The following UBE2V2 variants were observed in gnomAD, a reference collection of about 807,000 sequenced individuals.
UBE2V2 encodes the protein ubiquitin conjugating enzyme E2 V2.
Under a neutral mutation model 17.2 loss-of-function variants are expected in UBE2V2, and 9 were observed. The observed-to-expected ratio is 0.52, with a 90% CI of 0.32 to 0.91. UBE2V2 has a LOEUF of 0.91. UBE2V2 is among the 40% of genes least tolerant of loss of function. The pLI, the probability that UBE2V2 is intolerant of heterozygous loss-of-function variation, is 0.04. For missense variants in UBE2V2, 133 were observed against 182.6 expected (o/e 0.73, Z 1.56); for synonymous variants, 61 against 57.5 (o/e 1.06, Z -0.28).
At chr8:48,035,631 T>TTTGTG (rs1554657539) in intron 1 of UBE2V2, among the ~76,000 whole-genome samples, 6 of 109,542 alleles carry the variant, frequency 5.5e-5, no homozygotes, top group African/African-American at 1.3e-4. Context: ...TTTTTTTTTT[T>TTTGTG]TGTGTGTGTG....
At chr8:48,044,240 A>T (rs917983255) in intron 2 of UBE2V2, among the ~76,000 whole-genome samples, 4 of 152,120 alleles carry the variant, frequency 2.6e-5, no homozygotes, top group Non-Finnish European at 4.4e-5. Flanking sequence ...AGCATACTGC[A>T]ATCTCAGCCT....
At chr8:48,046,914 T>C (rs1280787499) in intron 2 of UBE2V2, among the ~76,000 whole-genome samples, 2 of 152,104 alleles carry the variant, frequency 1.3e-5, no homozygotes, top group Middle Eastern at 3.4e-3. Flanking sequence ...TGTTTTTTAT[T>C]TTTTGTACTT....
chr8:48,036,732 C>A (rs753304382), intron 1 of UBE2V2, among the ~76,000 whole-genome samples: 1 of 151,664 alleles, frequency 6.6e-6, no homozygotes, highest in African/African-American at 2.4e-5. Flanking sequence ...ACTGCCTGGC[C>A]GACTCAAAAA....
upstream of UBE2V2, among the ~76,000 whole-genome samples, chr8:48,005,744 T>C (rs184030661): frequency 6.6e-6 from 1 of 152,362 alleles, no homozygotes; most frequent in African/African-American, 2.4e-5. Flanking sequence ...CATTGTGGTT[T>C]TGATTTGCAT....
chr8:48,041,388 A>G (rs1379291902), intron 1 of UBE2V2, among the ~76,000 whole-genome samples: 1 of 152,110 alleles, frequency 6.6e-6, no homozygotes, highest in East Asian at 1.9e-4. Context: ...AGGCTGAGGC[A>G]GGAGAATAGC....
At chr8:48,046,589 G>A (rs1163613215) in intron 2 of UBE2V2, among the ~76,000 whole-genome samples, 2 of 152,088 alleles carry the variant, frequency 1.3e-5, no homozygotes, top group African/African-American at 2.4e-5. Flanking sequence ...TACATGGTTC[G>A]TTGTTTTTTA....
chr8:48,053,468 G>C (rs1460925490), intron 3 of UBE2V2, among the ~76,000 whole-genome samples: 5 of 144,834 alleles, frequency 3.5e-5, no homozygotes, highest in African/African-American at 7.7e-5. Context: ...CTGTCTCCCA[G>C]GCTGGAGTGC....
chr8:48,021,798 C>T (rs1004999357), intron 1 of UBE2V2, among the ~76,000 whole-genome samples: 1 of 151,864 alleles, frequency 6.6e-6, no homozygotes, highest in Admixed American at 6.6e-5. Flanking sequence ...AGCAATTCTC[C>T]TGCCTCAGCC....
intron 1 of UBE2V2, among the ~76,000 whole-genome samples, chr8:48,015,881 C>T (rs2091265060): frequency 1.3e-5 from 2 of 149,584 alleles, no homozygotes. Context: ...GTTCTTTATC[C>T]ATTTGTCTGT....
chr8:48,050,841 G>T (rs551181475), intron 3 of UBE2V2, among the ~76,000 whole-genome samples: 3 of 152,062 alleles, frequency 2.0e-5, no homozygotes, highest in African/African-American at 7.2e-5. Context: ...AAATATGTCT[G>T]TGTTGAAACA....
chr8:48,012,098 G>GTCTGATGCGCTCTCCATTATGAAGAAC (rs2091236021), intron 1 of UBE2V2, among the ~76,000 whole-genome samples: 2 of 152,178 alleles, frequency 1.3e-5, no homozygotes, highest in Non-Finnish European at 2.9e-5. Context: ...TTTACCCTTA[G>GTCTGATGCGCTCTCCATTATGAAGAAC]TCTGATGCGC....
upstream of UBE2V2, chr8:48,008,304 C>G (rs1163069591): frequency 2.0e-6 from 2 of 1,007,034 alleles, no homozygotes; most frequent in Non-Finnish European, 2.6e-6. Flanking sequence ...GCCCCGCGAC[C>G]CCTCGGCCCA....
chr8:48,032,970 G>A (rs1476521693), intron 1 of UBE2V2, among the ~76,000 whole-genome samples: 1 of 152,064 alleles, frequency 6.6e-6, no homozygotes, highest in East Asian at 1.9e-4. Flanking sequence ...TTTGCTGGAT[G>A]AGTGTTAAAA....
chr8:48,055,430 A>ACCTTG (rs2091565388), intron 3 of UBE2V2, among the ~76,000 whole-genome samples: 1 of 151,840 alleles, frequency 6.6e-6, no homozygotes, highest in Admixed American at 6.6e-5. Flanking sequence ...TGAACTCCTG[A>ACCTTG]TTTCAGGCGA....
At chr8:48,051,127 G>C (rs549039941) in intron 3 of UBE2V2, among the ~76,000 whole-genome samples, 1 of 152,108 alleles carries the variant, frequency 6.6e-6, no homozygotes, top group South Asian at 2.1e-4. Flanking sequence ...GATTACAGGC[G>C]TGAGCCACTG....
chr8:48,038,056 T>A (rs2091436385), intron 1 of UBE2V2, among the ~76,000 whole-genome samples: 1 of 152,206 alleles, frequency 6.6e-6, no homozygotes, highest in Admixed American at 6.6e-5. Flanking sequence ...CTCTCTCTTT[T>A]GTAATGTCCT....
At chr8:48,017,846 CTT>C (rs71548448) in intron 1 of UBE2V2, among the ~76,000 whole-genome samples, 2 of 134,592 alleles carry the variant, frequency 1.5e-5, no homozygotes, top group Non-Finnish European at 1.6e-5. Flanking sequence ...CATAGATTGC[CTT>C]TTTTTTTTTT....
At chr8:48,060,152 G>A (rs1313040976) in intron 3 of UBE2V2, among the ~76,000 whole-genome samples, 1 of 143,584 alleles carries the variant, frequency 7.0e-6, no homozygotes, top group Non-Finnish European at 1.5e-5. Flanking sequence ...GGAAGTTGCA[G>A]TGAGCCAGGA....
chr8:48,011,269 G>C (rs1037551896), intron 1 of UBE2V2, among the ~76,000 whole-genome samples: 1 of 152,026 alleles, frequency 6.6e-6, no homozygotes, highest in Non-Finnish European at 1.5e-5. Flanking sequence ...CTGGGTTTAA[G>C]CAATTCTCCT....
Sources: gnomAD v4.1 joint callset for allele counts (sites outside exome capture counted in the v4.1 genomes callset) on GRCh38, gnomAD v4.1.1 for gene constraint, MANE v1.5 for transcripts, NCBI Gene and HGNC (gene_info 2026-07-23, HGNC 2026-07-21) for gene names.